Variants in UNC13B observed in about 807,000 individuals in gnomAD.
UNC13B encodes the protein unc-13 homolog B, also known as protein unc-13 homolog B.
UNC13B carries 144 observed loss-of-function variants against 211.0 expected under a neutral mutation model. That is an observed-to-expected ratio of 0.68 (90% CI 0.60 to 0.78). UNC13B has a LOEUF of 0.78. Ranked by LOEUF, UNC13B falls within the 30% of genes least tolerant of loss-of-function variation. The pLI, the probability that UNC13B is intolerant of heterozygous loss-of-function variation, is 0.00. For synonymous variants in UNC13B, 709 were observed against 725.8 expected (o/e 0.98, Z 0.37); for missense variants, 1,777 against 2,002.0 (o/e 0.89, Z 2.14).
At chr9:35,330,196 T>A (rs1831289090) in intron 11 of UNC13B, among the ~76,000 whole-genome samples, 2 of 152,164 alleles carry the variant, frequency 1.3e-5, no homozygotes, top group Non-Finnish European at 2.9e-5. Context: ...CACAGAAAAA[T>A]GCATTTTTGA....
chr9:35,385,863 C>T, intron 23 of UNC13B, 50 bp downstream of exon 23: 3 of 1,573,790 alleles, frequency 1.9e-6, no homozygotes, highest in Non-Finnish European at 2.6e-6. Flanking sequence ...GACCTGGCTA[C>T]AGGAACGTGA....
In UNC13B at chr9:35,241,050, C is replaced by CT. The variant is rs372784630; in HGVS notation, c.395-2240dup. Among the ~76,000 whole-genome samples the CT allele has an allele frequency of 6.7e-3, 427 of 63,682 alleles. 1 individual carries two copies. Among genetic ancestry groups the CT allele is most frequent in the Middle Eastern group, 0.028 (4 of 144 alleles). 41.8% of individuals were successfully genotyped at this position (63,682 alleles called of 152,430 possible). ...CCAGCCTAGGTGATAGAGCAAGACTCTGTCTCAAAAAAAAAAAAAAAATCA... is the reference window on the plus strand; with the variant it reads ...CCAGCCTAGGTGATAGAGCAAGACTCTTGTCTCAAAAAAAAAAAAAAAATCA... On this transcript the variant is annotated intron_variant, in intron 5 of 39. Coordinates refer to ENST00000635942, the MANE Select transcript of UNC13B (RefSeq NM_001371189.2).
intron 10 of UNC13B, among the ~76,000 whole-genome samples, chr9:35,311,445 C>T (rs2131864364): frequency 6.6e-6 from 1 of 152,198 alleles, no homozygotes; most frequent in Non-Finnish European, 1.5e-5. Flanking sequence ...ACTTCCTAAC[C>T]TATTAAGAAT....
intron 1 of UNC13B, among the ~76,000 whole-genome samples, chr9:35,224,904 A>G (rs1432039869): frequency 6.6e-6 from 1 of 152,190 alleles, no homozygotes; most frequent in Non-Finnish European, 1.5e-5. Context: ...GCGATACATC[A>G]CATCAACAGA....
intron 8 of UNC13B, 30 bp downstream of exon 8, chr9:35,295,960 T>C: frequency 1.3e-6 from 2 of 1,555,652 alleles, no homozygotes; most frequent in Non-Finnish European, 1.7e-6. Context: ...TACTTTCTCT[T>C]CCTAATATCC....
At chr9:35,232,177 C>CTTTTTGTTTTTTTTTTT (rs1825244304) in intron 3 of UNC13B, among the ~76,000 whole-genome samples, 1 of 31,536 alleles carries the variant, frequency 3.2e-5, no homozygotes, top group Non-Finnish European at 5.9e-5. Context: ...TATATTGCTG[C>CTTTTTGTTTTTTTTTTT]TTTTTTTTTT....
At position 35,396,581 on chromosome 9, in the gene UNC13B, G is replaced by A. The variant is rs145029937; in HGVS notation, c.11414G>A (p.Gly3805Glu). 1.5e-5 allele frequency: 24 copies of A among 1,614,010 alleles called. No homozygotes were observed. In the African/African-American group the frequency reaches 2.9e-4, roughly 20 times the overall value. ...GTGCGGGATCTGCCTGTCCTCCAGG[G>A]GCAGGTGCCTGAGTACCCAGCGTGA... ...EYVRDLPVLQ[G>E]QVPEYPAWFE... Residue 3805 changes from glycine (G) to glutamate (E), a missense_variant, in exon 27 of 40, where the codon GGG becomes GAG. Transcript: ENST00000635942.
intron 11 of UNC13B, among the ~76,000 whole-genome samples, chr9:35,322,194 A>G (rs1176044567): frequency 6.6e-6 from 1 of 152,178 alleles, no homozygotes; most frequent in African/African-American, 2.4e-5. Context: ...GTACTTAATA[A>G]GTGTTTGATG....
At chr9:35,315,072 T>G (rs1010300336) in intron 11 of UNC13B, among the ~76,000 whole-genome samples, 1 of 147,242 alleles carries the variant, frequency 6.8e-6, no homozygotes, top group Non-Finnish European at 1.5e-5. Flanking sequence ...TTTTTTTTTT[T>G]GTAGATGCAG....
intron 11 of UNC13B, among the ~76,000 whole-genome samples, chr9:35,336,350 A>G (rs1411740210): frequency 6.6e-6 from 1 of 152,114 alleles, no homozygotes; most frequent in Non-Finnish European, 1.5e-5. Flanking sequence ...CTCCCTCAGA[A>G]TATATAACAT....
Position 35,400,334 on chromosome 9 carries a change from C to G in UNC13B, c.12375C>G (p.Thr4125=). The G allele has an allele frequency of 6.2e-7, 1 of 1,614,110 alleles. No individual in the cohort carries two copies. Among genetic ancestry groups the G allele is most frequent in the Non-Finnish European group, 8.5e-7 (1 of 1,179,990 alleles). Residue 4125 remains threonine, a synonymous_variant, in exon 37 of 40, where the codon ACC becomes ACG. Coordinates refer to ENST00000635942, the MANE Select transcript of UNC13B (RefSeq NM_001371189.2). ...CAGGAGGCAATGGGCTGAAGAAAAC[C>G]TTCCTGGAGAAGAGCCCAGATCTGC... ...FHAGGNGLKK[T]FLEKSPDLQS...
chr9:35,350,864 A>G (rs989612153), intron 11 of UNC13B, among the ~76,000 whole-genome samples: 5 of 152,236 alleles, frequency 3.3e-5, no homozygotes, highest in African/African-American at 1.2e-4. Context: ...AAACTGGAAA[A>G]GAAAGAAAGA....
At chr9:35,395,776 A>G (rs1404267975) in intron 26 of UNC13B, among the ~76,000 whole-genome samples, 1 of 152,180 alleles carries the variant, frequency 6.6e-6, no homozygotes, top group Non-Finnish European at 1.5e-5. Context: ...GACTTTTCAA[A>G]TTCGTAGTAA....
chr9:35,194,774 A>G (rs1822846720), intron 1 of UNC13B, among the ~76,000 whole-genome samples: 1 of 152,134 alleles, frequency 6.6e-6, no homozygotes, highest in East Asian at 1.9e-4. Context: ...ATGATTGGCT[A>G]TGTTGTCTGG....
At chr9:35,289,553 T>C (rs1288024898) in intron 7 of UNC13B, among the ~76,000 whole-genome samples, 1 of 152,232 alleles carries the variant, frequency 6.6e-6, no homozygotes, top group Non-Finnish European at 1.5e-5. Context: ...GTATGATCTT[T>C]ACAGTAACCC....
intron 11 of UNC13B, among the ~76,000 whole-genome samples, chr9:35,347,138 G>A (rs892459818): frequency 6.6e-6 from 1 of 152,036 alleles, no homozygotes; most frequent in Non-Finnish European, 1.5e-5. Flanking sequence ...GGGCTCAAAG[G>A]ATCTTCCTGC....
chr9:35,275,616 G>C (rs1828132385), intron 7 of UNC13B, among the ~76,000 whole-genome samples: 1 of 152,102 alleles, frequency 6.6e-6, no homozygotes, highest in Non-Finnish European at 1.5e-5. Context: ...ATTCTGAGAT[G>C]GAGTCTCGCT....
intron 7 of UNC13B, among the ~76,000 whole-genome samples, chr9:35,284,449 G>A (rs909151664): frequency 6.6e-6 from 1 of 152,088 alleles, no homozygotes; most frequent in Non-Finnish European, 1.5e-5. Flanking sequence ...TATAATGAAT[G>A]CATTAATCAG....
chr9:35,390,715 G>C lies in UNC13B; in HGVS notation c.11308+1G>C. 1 of 1,613,618 alleles carries C rather than the reference G, an allele frequency of 6.2e-7. No homozygotes were observed. The highest frequency in any genetic ancestry group is 8.5e-7 in the Non-Finnish European group (1 of 1,179,820). ...CAAGACATGAAATATGCATTGGAGG[G>C]TAAGGATCTGTTCAAATCAGTGGGC... On this transcript the variant is annotated splice_donor_variant, in intron 26 of 39. Coordinates refer to ENST00000635942, the MANE Select transcript of UNC13B (RefSeq NM_001371189.2). LOFTEE classifies it high-confidence loss of function.
Sources: gnomAD v4.1 joint callset for allele counts (sites outside exome capture counted in the v4.1 genomes callset) on GRCh38, gnomAD v4.1.1 for gene constraint, MANE v1.5 for transcripts, NCBI Gene and HGNC (gene_info 2026-07-23, HGNC 2026-07-21) for gene names.